The following SLC1A6 variants were observed in gnomAD, a reference collection of about 807,000 sequenced individuals.
SLC1A6 encodes the protein solute carrier family 1 member 6.
Under a neutral mutation model 42.1 loss-of-function variants are expected in SLC1A6, and 15 were observed. The ratio of observed to expected loss-of-function variants is 0.36; its 90% CI spans 0.24 to 0.55. The LOEUF is 0.55. Among genes scored for constraint, SLC1A6 ranks in the 20% least tolerant of loss-of-function variants. The pLI, the probability that SLC1A6 is intolerant of heterozygous loss-of-function variation, is 0.88. For missense variants in SLC1A6, 542 were observed against 772.5 expected (o/e 0.70, Z 3.54); for synonymous variants, 317 against 319.7 (o/e 0.99, Z 0.09).
At chr19:14,976,349 T>C (rs2045710835) in intron 1 of SLC1A6, among the ~76,000 whole-genome samples, 1 of 152,248 alleles carries the variant, frequency 6.6e-6, no homozygotes, top group South Asian at 2.1e-4. Flanking sequence ...AATAGATCTG[T>C]ATCACATTTA....
At position 14,956,618 on chromosome 19, in the gene SLC1A6, TGTACATGCCC is replaced by T; in HGVS notation, c.1017_1026del (p.Gly340ProfsTer2). 1 of 1,613,616 alleles carries T rather than the reference TGTACATGCCC, an allele frequency of 6.2e-7. No individual in the cohort carries two copies. The highest frequency in any genetic ancestry group is 8.5e-7 in the Non-Finnish European group (1 of 1,179,846). ...AACAGGCCCACGATGACGGTCAGGG[TGTACATGCCC>T]AGCTGACCCCCCAGGACGGCCATGT... On this transcript the variant is annotated frameshift_variant, in exon 7 of 10. Coordinates refer to ENST00000594383, the MANE Select transcript of SLC1A6 (RefSeq NM_005071.3). LOFTEE classifies it high-confidence loss of function.
At position 14,954,346 on chromosome 19, in the gene SLC1A6, A is replaced by T; in HGVS notation, c.1170-17T>A. 6.2e-7 allele frequency: 1 copy of T among 1,601,932 alleles called. No individual in the cohort carries two copies. Among genetic ancestry groups the T allele is most frequent in the South Asian group, 1.1e-5 (1 of 91,002 alleles). On this transcript the variant is annotated splice_polypyrimidine_tract_variant and intron_variant, in intron 7 of 9. Transcript: ENST00000594383. ...GTTGCCGAGCTGGGGGAAAGAGCCC[A>T]GGACTGAGGATGGGGCGTGGCCTGG...
intron 1 of SLC1A6, among the ~76,000 whole-genome samples, chr19:14,998,797 C>T (rs1156723397): frequency 6.6e-6 from 1 of 152,140 alleles, no homozygotes; most frequent in Non-Finnish European, 1.5e-5. Flanking sequence ...TCCAGGTCTT[C>T]TCCCTGATCC....
At chr19:14,991,853 T>TA (rs59793008) in intron 1 of SLC1A6, among the ~76,000 whole-genome samples, 74,855 of 149,592 alleles carry the variant, frequency 0.5, 18,974 homozygotes, top group South Asian at 0.62. Context: ...TTTTTTTTTT[T>TA]TCTAGAGGGA....
At chr19:14,989,755 G>C (rs2045810032) in intron 1 of SLC1A6, among the ~76,000 whole-genome samples, 1 of 26,818 alleles carries the variant, frequency 3.7e-5, no homozygotes, top group Non-Finnish European at 7.9e-5. Flanking sequence ...GGGGTGGCGG[G>C]GGGTGGGGTG....
chr19:14,994,601 G>A (rs2045836217), intron 1 of SLC1A6, among the ~76,000 whole-genome samples: 1 of 152,166 alleles, frequency 6.6e-6, no homozygotes. Context: ...GTGGATTTTT[G>A]TGGCTATCAA....
At chr19:14,966,213 C>T (rs1037699045) in intron 4 of SLC1A6, among the ~76,000 whole-genome samples, 2 of 152,132 alleles carry the variant, frequency 1.3e-5, no homozygotes, top group African/African-American at 2.4e-5. Flanking sequence ...TTTCATAGGC[C>T]GGGCACAGTG....
intron 3 of SLC1A6, 125 bp from the exon 4 acceptor site, chr19:14,968,632 T>C (rs1199904648): frequency 1.3e-6 from 1 of 797,858 alleles, no homozygotes; most frequent in Non-Finnish European, 2.0e-6. Flanking sequence ...CCTTTTCCTA[T>C]AGCCCACCCC....
rs574541639 is a variant in SLC1A6 at position 14,968,336 on chromosome 19, A to T, written c.515T>A (p.Ile172Asn). The T allele has an allele frequency of 6.2e-7, 1 of 1,613,500 alleles. No homozygotes were observed. Among genetic ancestry groups the T allele is most frequent in the African/African-American group, 1.3e-5 (1 of 74,974 alleles). ...GLHREGRIET[I>N]PTADAFMDLI... Reference sequence around the variant, plus strand: ...GTCCATGAAGGCATCAGCTGTGGGGATGGTCTCGATCCGGCCCTCCCGGTG... The same window carrying T: ...GTCCATGAAGGCATCAGCTGTGGGGTTGGTCTCGATCCGGCCCTCCCGGTG... Residue 172 changes from isoleucine (I) to asparagine (N), a missense_variant, in exon 4 of 10, where the codon ATC (isoleucine) becomes AAC (asparagine). Physicochemically the swap from Ile to Asn is moderately radical, Grantham distance 149. This residue lies in a region of SLC1A6 where 298 missense variants were observed against 419.4 expected (regional missense o/e 0.71). Transcript: ENST00000594383.
chr19:14,955,418 CA>C (rs1008721219), intron 7 of SLC1A6, among the ~76,000 whole-genome samples: 9 of 150,382 alleles, frequency 6.0e-5, no homozygotes, highest in African/African-American at 2.2e-4. Context: ...CCGTCTCTAC[CA>C]AAAACAACAA....
At position 14,968,344 on chromosome 19, in the gene SLC1A6, G is replaced by T. The variant is rs141431372; in HGVS notation, c.507C>A (p.Ile169=). The T allele has an allele frequency of 5.3e-4, 852 of 1,613,692 alleles. 5 individuals are homozygous for T. In the African/African-American group the frequency reaches 0.01, roughly 20 times the overall value. The change falls in exon 4 of 10, where the codon ATC becomes ATA. Residue 169 remains isoleucine, a synonymous_variant. Transcript: ENST00000594383. The part of the protein sequence containing the change: ...SKEGLHREGR[I]ETIPTADAFM... ...AGGCATCAGCTGTGGGGATGGTCTC[G>T]ATCCGGCCCTCCCGGTGCAGCCCCT...
chr19:14,996,518 C>T (rs1159162075), intron 1 of SLC1A6, among the ~76,000 whole-genome samples: 5 of 70,386 alleles, frequency 7.1e-5, no homozygotes, highest in Non-Finnish European at 1.3e-4. Flanking sequence ...TCCTCCCTCT[C>T]CTCCTCCTCT....
In SLC1A6 at chr19:14,956,574, G is replaced by A. The variant is rs775871788; in HGVS notation, c.1071C>T (p.Val357=). 3.1e-6 allele frequency: 5 copies of A among 1,613,768 alleles called. No homozygotes were observed. The South Asian group carries it at 3.3e-5, about 11-fold the overall frequency. Residue 357 remains valine (V), a synonymous_variant, in exon 7 of 10, where the codon GTC becomes GTT. Coordinates refer to ENST00000594383, the MANE Select transcript of SLC1A6 (RefSeq NM_005071.3). ...TGACGAGGAAGTAGATGAGGGGAAG[G>A]ACAATGCCGGCATGGAGGAACAGGC... The part of the protein sequence containing the change: ...IVGLFLHAGI[V]LPLIYFLVTH...
chr19:14,963,845 T>G (rs202243193), intron 5 of SLC1A6, among the ~76,000 whole-genome samples: 1 of 137,328 alleles, frequency 7.3e-6, no homozygotes, highest in Non-Finnish European at 1.6e-5. Context: ...TTTTTTTTTT[T>G]CTTTTTTTGA....
At position 14,972,761 on chromosome 19, in the gene SLC1A6, C is replaced by T. The variant is rs778266582; in HGVS notation, c.150G>A (p.Leu50=). ...RLQTMTLEHV[L]RFLRRNAFIL... ...TGAAGGCGTTTCGGCGCAGGAAGCG[C>T]AGCACGTGCTCGAGGGTCATGGTCT... The change falls in exon 2 of 10, where the codon CTG becomes CTA. Residue 50 remains leucine, a synonymous_variant. Coordinates refer to ENST00000594383, the MANE Select transcript of SLC1A6 (RefSeq NM_005071.3). 6.2e-7 allele frequency: 1 copy of T among 1,614,016 alleles called. No homozygotes were observed. Among genetic ancestry groups the T allele is most frequent in the East Asian group, 2.2e-5 (1 of 44,882 alleles).
chr19:14,952,977 C>G lies in SLC1A6; in HGVS notation c.1450G>C (p.Gly484Arg). The stretch of plus-strand genomic sequence containing the variant: ...AGCGTGATGTCTTCCGTGGGCAAGC[C>G]GACCGACGTAAGCACAATGACCATG... The part of the protein sequence containing the change: ...VTMVIVLTSV[G>R]LPTEDITLII... Residue 484 changes from glycine to arginine, a missense_variant, in exon 9 of 10, where the codon GGC becomes CGC. Gly to Arg is a moderately radical substitution (Grantham distance 125). Around this residue, in one of 6 missense-constraint regions of SLC1A6, gnomAD observed 54 missense variants for 125.1 expected, o/e 0.43. Transcript: ENST00000594383. 1 of 1,613,948 alleles carries G rather than the reference C, an allele frequency of 6.2e-7. No individual in the cohort carries two copies. The highest frequency in any genetic ancestry group is 1.1e-5 in the South Asian group (1 of 91,054).
intron 4 of SLC1A6, among the ~76,000 whole-genome samples, chr19:14,967,263 C>T (rs375482844): frequency 8.5e-5 from 13 of 152,246 alleles, no homozygotes; most frequent in East Asian, 1.9e-4. Flanking sequence ...GTCCAGGCTG[C>T]GGGAGCCTGT....
At chr19:14,952,619 A>C (rs2045423681) in intron 9 of SLC1A6, among the ~76,000 whole-genome samples, 1 of 151,994 alleles carries the variant, frequency 6.6e-6, no homozygotes, top group African/African-American at 2.4e-5. Context: ...TTGTATTTTT[A>C]GTAGAGACAC....
intron 5 of SLC1A6, among the ~76,000 whole-genome samples, chr19:14,963,765 G>A (rs2045541884): frequency 6.6e-6 from 1 of 151,672 alleles, no homozygotes; most frequent in Admixed American, 6.6e-5. Flanking sequence ...AAAATTTCTG[G>A]AATCTCTACA....
Sources: gnomAD v4.1 joint callset for allele counts (sites outside exome capture counted in the v4.1 genomes callset) on GRCh38, gnomAD v4.1.1 for gene constraint, gnomAD v4.1.1 regional missense constraint, MANE v1.5 for transcripts, NCBI Gene and HGNC (gene_info 2026-07-23, HGNC 2026-07-21) for gene names.